The following PAGE2B variants were observed in gnomAD, a reference collection of about 807,000 sequenced individuals.
PAGE2B encodes the protein PAGE family member 2B.
A neutral mutation model predicts 7.6 loss-of-function variants in PAGE2B; 5 were observed. The observed-to-expected ratio is 0.66, with a 90% CI of 0.34 to 1.38. PAGE2B has a LOEUF of 1.38. PAGE2B is among the 40% of genes most tolerant of loss of function. The pLI is 0.04. For synonymous variants in PAGE2B, 29 were observed against 26.7 expected (o/e 1.09, Z -0.27); for missense variants, 70 against 78.4 (o/e 0.89, Z 0.41).
the PAGE2B span, among the ~76,000 whole-genome samples, chrX:55,054,590 GCTAA>G: frequency 8.9e-6 from 1 of 112,412 alleles, no homozygotes; most frequent in Admixed American, 9.4e-5. Flanking sequence ...AAAGCTTTCA[GCTAA>G]CTATTTCTAA....
chrX:55,060,805 TG>T, the PAGE2B span, among the ~76,000 whole-genome samples: 1 of 110,614 alleles, frequency 9.0e-6, no homozygotes, highest in East Asian at 2.8e-4. Context: ...TTTTTTTGTG[TG>T]TATTTTTTTT....
At chrX:55,073,226 T>C (rs1263866881), upstream of PAGE2B, among the ~76,000 whole-genome samples, 1 of 112,083 alleles carries the variant, frequency 8.9e-6, no homozygotes, top group African/African-American at 3.2e-5. Context: ...AATCTCTTGG[T>C]CTGCAGATTG....
chrX:55,042,239 G>A, the PAGE2B span, among the ~76,000 whole-genome samples: 1 of 111,237 alleles, frequency 9.0e-6, no homozygotes, highest in Non-Finnish European at 1.9e-5. Flanking sequence ...ACACAAATCA[G>A]TAGCTCTGCT....
chrX:55,041,165 TC>T, the PAGE2B span, among the ~76,000 whole-genome samples: 1 of 102,169 alleles, frequency 9.8e-6, no homozygotes, highest in Non-Finnish European at 2.0e-5. Flanking sequence ...CACTGCAGTC[TC>T]CACCTCCCGG....
At chrX:55,041,078 CT>C in the PAGE2B span, among the ~76,000 whole-genome samples, 780 of 82,109 alleles carry the variant, frequency 9.5e-3, 3 homozygotes, top group African/African-American at 0.031. Context: ...TTCAATAATT[CT>C]TTTTTTTTTT....
At chrX:55,076,202 C>G in intron 2 of PAGE2B, 77 bp downstream of exon 2, 1 of 1,044,915 alleles carries the variant, frequency 9.6e-7, no homozygotes. Context: ...TGTACACGCA[C>G]TGATACAGGT....
At chrX:55,045,011 A>G in the PAGE2B span, 6 of 111,879 alleles carry the variant, frequency 5.4e-5, no homozygotes, top group African/African-American at 1.9e-4. Context: ...TTATGTTTAG[A>G]GCTCCTGATG....
At chrX:55,028,137 G>A in the PAGE2B span, among the ~76,000 whole-genome samples, 3 of 111,165 alleles carry the variant, frequency 2.7e-5, no homozygotes, top group African/African-American at 9.8e-5. Flanking sequence ...CTGGAGATAT[G>A]TGTTTCCCTT....
the PAGE2B span, among the ~76,000 whole-genome samples, chrX:55,036,192 G>T: frequency 8.9e-6 from 1 of 111,954 alleles, no homozygotes; most frequent in African/African-American, 3.2e-5. Flanking sequence ...AGCTTAAGGA[G>T]ATTTTGGGCT....
chrX:55,028,741 T>C, the PAGE2B span, among the ~76,000 whole-genome samples: 1 of 111,771 alleles, frequency 8.9e-6, no homozygotes, highest in African/African-American at 3.3e-5. Context: ...CATGACCTTG[T>C]AGTCTAGTTA....
the PAGE2B span, among the ~76,000 whole-genome samples, chrX:55,040,206 A>G: frequency 1.8e-5 from 2 of 110,205 alleles, no homozygotes; most frequent in African/African-American, 6.6e-5. Flanking sequence ...ACTTTGTTAC[A>G]TATGTATACA....
chrX:55,061,722 C>T, the PAGE2B span, among the ~76,000 whole-genome samples: 3 of 111,332 alleles, frequency 2.7e-5, no homozygotes, highest in Admixed American at 1.9e-4. Flanking sequence ...CGCCCATTAA[C>T]CATCCCCAGT....
the PAGE2B span, among the ~76,000 whole-genome samples, chrX:55,066,188 T>G: frequency 8.9e-6 from 1 of 112,102 alleles, no homozygotes; most frequent in African/African-American, 3.2e-5. Flanking sequence ...CCTCCCAGAT[T>G]CAAGCAATTG....
At chrX:55,028,712 G>A in the PAGE2B span, among the ~76,000 whole-genome samples, 2 of 111,641 alleles carry the variant, frequency 1.8e-5, 1 homozygote, top group South Asian at 7.5e-4. Flanking sequence ...GCCTCACTCT[G>A]CCTGGCCATC....
the PAGE2B span, among the ~76,000 whole-genome samples, chrX:55,037,913 AG>A: frequency 5.9e-4 from 25 of 42,053 alleles, no homozygotes; most frequent in Admixed American, 5.8e-3. Flanking sequence ...GGGTGGGGGG[AG>A]GGGGGAGGGA....
upstream of PAGE2B, among the ~76,000 whole-genome samples, chrX:55,073,290 G>A (rs1412835427): frequency 1.3e-4 from 15 of 111,432 alleles, no homozygotes; most frequent in Admixed American, 1.4e-3. Context: ...GTACCTGACA[G>A]CTTCCCTTGG....
At chrX:55,061,146 G>A in the PAGE2B span, among the ~76,000 whole-genome samples, 19 of 110,920 alleles carry the variant, frequency 1.7e-4, no homozygotes, top group African/African-American at 6.2e-4. Flanking sequence ...ACAATATAAT[G>A]TATAAGAGAA....
the PAGE2B span, among the ~76,000 whole-genome samples, chrX:55,041,227 G>T: frequency 9.3e-6 from 1 of 107,644 alleles, no homozygotes; most frequent in Non-Finnish European, 1.9e-5. Flanking sequence ...GACTACAGGC[G>T]CCTGCCACCA....
chrX:55,059,025 G>A, the PAGE2B span, among the ~76,000 whole-genome samples: 1 of 111,148 alleles, frequency 9.0e-6, no homozygotes, highest in Non-Finnish European at 1.9e-5. Flanking sequence ...GAGAAATATT[G>A]AATGCCTTCA....
Sources: allele counts gnomAD v4.1 joint callset (sites outside exome capture counted in the v4.1 genomes callset), GRCh38; gene constraint gnomAD v4.1.1; transcripts MANE v1.5; gene names NCBI Gene and HGNC (gene_info 2026-07-23, HGNC 2026-07-21).